The following STARD8 variants were observed in gnomAD, a reference collection of about 807,000 sequenced individuals.
STARD8 encodes stAR-related lipid transfer protein 8.
In STARD8, 25 loss-of-function variants were observed where a neutral mutation model predicts 69.4. The observed-to-expected ratio is 0.36, with a 90% confidence interval of 0.26 to 0.50. The LOEUF (loss-of-function observed/expected upper bound fraction) is 0.50. Among genes scored for constraint, STARD8 ranks in the 20% least tolerant of loss-of-function variants. The pLI, the probability that STARD8 is intolerant of heterozygous loss-of-function variation, is 0.96. For synonymous variants in STARD8, 389 were observed against 374.6 expected (o/e 1.04, Z -0.45); for missense variants, 921 against 932.5 (o/e 0.99, Z 0.16).
intron 2 of STARD8, among the ~76,000 whole-genome samples, chrX:68,704,532 C>T (rs749299613): frequency 9.0e-6 from 1 of 111,178 alleles, no homozygotes; most frequent in Non-Finnish European, 1.9e-5. Flanking sequence ...GCAGGAGAAC[C>T]TAGAGCACAG....
intron 1 of STARD8, among the ~76,000 whole-genome samples, chrX:68,657,514 A>G (rs1247070559): frequency 3.6e-5 from 4 of 111,936 alleles, no homozygotes; most frequent in Non-Finnish European, 3.8e-5. Context: ...CAAGTGCCCT[A>G]TTGGTGGGCA....
In STARD8 at chrX:68,715,691, T is replaced by C. The variant is rs1481897836; in HGVS notation, c.233+316T>C. Among the ~76,000 whole-genome samples, 4 of 111,829 alleles carry C rather than the reference T, an allele frequency of 3.6e-5. No homozygotes were observed. The Admixed American group carries it at 3.8e-4, about 11-fold the overall frequency. ...TTTGAGGCCAAACCATGGCTTCTCC[T>C]TGGATCGATCACAAGGCTTCAGCCT... On this transcript the variant is annotated intron_variant, in intron 4 of 14. Transcript: ENST00000374599.
At chrX:68,650,756 C>G (rs1289978892) in intron 1 of STARD8, among the ~76,000 whole-genome samples, 2 of 109,738 alleles carry the variant, frequency 1.8e-5, no homozygotes, top group African/African-American at 3.3e-5. Flanking sequence ...GCACTCCAAC[C>G]TGGCCATCAG....
At chrX:68,654,438 G>A (rs191364550) in intron 1 of STARD8, among the ~76,000 whole-genome samples, 1 of 111,863 alleles carries the variant, frequency 8.9e-6, no homozygotes, top group East Asian at 2.9e-4. Flanking sequence ...TGGACAGACA[G>A]TCGTGTGGAC....
intron 2 of STARD8, among the ~76,000 whole-genome samples, chrX:68,711,573 C>G (rs2080051317): frequency 8.9e-6 from 1 of 112,036 alleles, no homozygotes; most frequent in Non-Finnish European, 1.9e-5. Context: ...AGTGTGTGAC[C>G]CTTGAGGAGC....
At chrX:68,673,140 C>T (rs1394003723) in intron 2 of STARD8, among the ~76,000 whole-genome samples, 1 of 111,953 alleles carries the variant, frequency 8.9e-6, no homozygotes, top group South Asian at 3.7e-4. Context: ...ATCAGCACAT[C>T]TGTTGCCCAG....
chrX:68,666,567 C>A (rs1415975357), intron 2 of STARD8, among the ~76,000 whole-genome samples: 1 of 112,272 alleles, frequency 8.9e-6, no homozygotes, highest in Non-Finnish European at 1.9e-5. Context: ...AGAGAGGATT[C>A]TAGTGACTTC....
intron 2 of STARD8, among the ~76,000 whole-genome samples, chrX:68,707,111 G>T (rs755684242): frequency 8.9e-6 from 1 of 112,814 alleles, no homozygotes; most frequent in African/African-American, 3.2e-5. Context: ...CTCACTGAAG[G>T]TGGGAGAGAC....
chrX:68,668,107 TTCTTTCTG>T (rs1287859566), intron 2 of STARD8, among the ~76,000 whole-genome samples: 80 of 98,326 alleles, frequency 8.1e-4, no homozygotes, highest in East Asian at 7.9e-3. Flanking sequence ...CTTTCTTTCT[TTCTTTCTG>T]TCTTTCTTTC....
chrX:68,688,975 T>TG (rs770815894), intron 2 of STARD8, among the ~76,000 whole-genome samples: 8,424 of 91,490 alleles, frequency 0.092, 2 homozygotes, highest in African/African-American at 0.21. Context: ...GCCCACCCCA[T>TG]TTTTTCCAGA....
intron 1 of STARD8, among the ~76,000 whole-genome samples, chrX:68,660,439 C>T (rs1055974966): frequency 1.1e-4 from 12 of 111,706 alleles, no homozygotes; most frequent in Admixed American, 5.7e-4. Flanking sequence ...CTGTAGCACC[C>T]CATCCCCAGC....
intron 2 of STARD8, among the ~76,000 whole-genome samples, chrX:68,687,360 T>C (rs1287629442): frequency 9.0e-6 from 1 of 111,701 alleles, no homozygotes; most frequent in Non-Finnish European, 1.9e-5. Context: ...GGGGTACTTA[T>C]ATTTCCAGGC....
At position 68,665,479 on chromosome X, in the gene STARD8, C is replaced by G; in HGVS notation, c.46-20C>G. The G allele has an allele frequency of 2.5e-6, 3 of 1,203,208 alleles. No individual in the cohort carries two copies. The highest frequency in any genetic ancestry group is 3.4e-6 in the Non-Finnish European group (3 of 891,982). ...TTGCATCTCTGCAATGCCTTGACTT[C>G]TTCTCTGTTTCTTTTGCAGTGCTTC... On this transcript the variant is annotated intron_variant, in intron 1 of 14. Coordinates refer to ENST00000374599, the MANE Select transcript of STARD8 (RefSeq NM_001142503.3).
intron 7 of STARD8, 54 bp downstream of exon 7, chrX:68,719,452 C>T (rs1281168610): frequency 5.4e-6 from 6 of 1,101,845 alleles, no homozygotes; most frequent in Non-Finnish European, 6.0e-6. Context: ...AGGTCCACGT[C>T]CCCAGGCAGG....
At chrX:68,690,436 C>T (rs4844198) in intron 2 of STARD8, among the ~76,000 whole-genome samples, 14 of 101,649 alleles carry the variant, frequency 1.4e-4, no homozygotes, top group African/African-American at 2.0e-4. Flanking sequence ...GCAGGCAGGG[C>T]GGGGGGACTG....
chrX:68,716,571 T>C (rs1029179312), intron 5 of STARD8, 140 bp downstream of exon 5: 1 of 567,550 alleles, frequency 1.8e-6, no homozygotes. Flanking sequence ...CAGCTAGGGG[T>C]AGAGATGGAG....
At chrX:68,663,742 C>T (rs1457229521) in intron 1 of STARD8, among the ~76,000 whole-genome samples, 1 of 112,086 alleles carries the variant, frequency 8.9e-6, no homozygotes, top group Non-Finnish European at 1.9e-5. Flanking sequence ...TTTCCTCCCC[C>T]TTTGTCTACA....
At chrX:68,687,821 C>T (rs1437297687) in intron 2 of STARD8, among the ~76,000 whole-genome samples, 1 of 112,224 alleles carries the variant, frequency 8.9e-6, no homozygotes, top group Non-Finnish European at 1.9e-5. Context: ...ACCCCGGAAG[C>T]CTGGCTGCCC....
chrX:68,662,231 A>G (rs1187028367), intron 1 of STARD8, among the ~76,000 whole-genome samples: 3 of 108,954 alleles, frequency 2.8e-5, no homozygotes, highest in Non-Finnish European at 5.7e-5. Flanking sequence ...CTGGTCTCGA[A>G]CTCCCGACCT....
Sources: allele counts gnomAD v4.1 joint callset (sites outside exome capture counted in the v4.1 genomes callset), GRCh38; gene constraint gnomAD v4.1.1; transcripts MANE v1.5; gene names NCBI Gene and HGNC (gene_info 2026-07-23, HGNC 2026-07-21).